The following TXNDC9 variants were observed in gnomAD, a reference collection of about 807,000 sequenced individuals.
TXNDC9 encodes the protein thioredoxin domain containing 9.
A neutral mutation model predicts 23.0 loss-of-function variants in TXNDC9; 7 were observed. The observed-to-expected ratio is 0.30, with a 90% CI of 0.17 to 0.57. TXNDC9 has a LOEUF of 0.57. Ranked by LOEUF, TXNDC9 falls within the 20% of genes least tolerant of loss-of-function variation. The pLI is 0.90. For missense variants in TXNDC9, 198 were observed against 252.6 expected, an observed-to-expected ratio of 0.78 and a Z score of 1.47; for synonymous variants, 72 against 90.6, an observed-to-expected ratio of 0.79 and a Z score of 1.17.
downstream of TXNDC9, among the ~76,000 whole-genome samples, chr2:99,316,870 C>T (rs2094190243): frequency 6.6e-6 from 1 of 152,170 alleles, no homozygotes; most frequent in South Asian, 2.1e-4. Context: ...CATTCTCCTG[C>T]CTCAGCCTCC....
At chr2:99,332,840 G>C in intron 2 of TXNDC9, 182 bp downstream of exon 2, 1 of 566,766 alleles carries the variant, frequency 1.8e-6, no homozygotes, top group South Asian at 2.4e-5. Context: ...TAGAGATTGG[G>C]CTAATTTTGA....
At chr2:99,322,419 G>C (rs999514633) in intron 3 of TXNDC9, 6 of 1,241,126 alleles carry the variant, frequency 4.8e-6, no homozygotes, top group Non-Finnish European at 6.5e-6. Flanking sequence ...TAAGATTCTA[G>C]AAAGTCAGAT....
intron 4 of TXNDC9, among the ~76,000 whole-genome samples, 190 bp from the exon 5 acceptor site, chr2:99,319,989 T>C (rs1406462732): frequency 6.6e-6 from 1 of 152,144 alleles, no homozygotes; most frequent in Non-Finnish European, 1.5e-5. Flanking sequence ...TGTGTCCTAC[T>C]GAATGTTTTA....
At chr2:99,322,305 T>C (rs529990424) in intron 3 of TXNDC9, 96 bp from the exon 4 acceptor site, 158 of 1,465,930 alleles carry the variant, frequency 1.1e-4, no homozygotes, top group Admixed American at 4.8e-4. Flanking sequence ...ATGTAGTTTT[T>C]CTGTTGACTC....
At chr2:99,331,235 A>G (rs1002771791) in intron 2 of TXNDC9, among the ~76,000 whole-genome samples, 3 of 152,162 alleles carry the variant, frequency 2.0e-5, no homozygotes, top group African/African-American at 7.2e-5. Context: ...TTAAATTCCA[A>G]TAATCCGTCC....
At chr2:99,332,853 G>A (rs1284372635) in intron 2 of TXNDC9, 169 bp downstream of exon 2, 1 of 583,688 alleles carries the variant, frequency 1.7e-6, no homozygotes, top group Non-Finnish European at 3.0e-6. Context: ...AATTTTGAAT[G>A]TCTTTAAAAC....
At chr2:99,330,404 G>A (rs1212001550) in intron 2 of TXNDC9, among the ~76,000 whole-genome samples, 2 of 150,714 alleles carry the variant, frequency 1.3e-5, no homozygotes, top group South Asian at 4.2e-4. Flanking sequence ...CTTTGAGGGA[G>A]GATGTGCCCA....
At chr2:99,335,272 C>T (rs2105328058) in intron 1 of TXNDC9, among the ~76,000 whole-genome samples, 1 of 152,304 alleles carries the variant, frequency 6.6e-6, no homozygotes, top group Admixed American at 6.5e-5. Flanking sequence ...CACAGGCCCT[C>T]TATAAACGTT....
chr2:99,311,697 C>T, the TXNDC9 span, among the ~76,000 whole-genome samples: 1 of 152,232 alleles, frequency 6.6e-6, no homozygotes, highest in Non-Finnish European at 1.5e-5. Flanking sequence ...GAACTCCTGG[C>T]CTCAAGCCAT....
rs779673250 is a variant in TXNDC9 at position 99,319,631 on chromosome 2, T to C, written c.*51A>G. 6 of 1,361,568 alleles carry C rather than the reference T, an allele frequency of 4.4e-6. No individual in the cohort carries two copies. The East Asian group carries it at 1.2e-4, about 26-fold the overall frequency. The allele number at this position is 1,361,568 out of a possible 1,614,324, so 84.3% of individuals were successfully genotyped here. On this transcript the variant is annotated 3_prime_UTR_variant, in exon 5 of 5. Transcript: ENST00000264255. ...ACATTAATAGAATTTTAAAAACACA[T>C]TTAAATCTGAAGCAGAAAAAAAAAG...
downstream of TXNDC9, among the ~76,000 whole-genome samples, chr2:99,314,529 CTTTT>C (rs55729391): frequency 1.0e-5 from 1 of 97,444 alleles, no homozygotes; most frequent in Non-Finnish European, 1.9e-5. Context: ...AATACTACAC[CTTTT>C]TTTTTTTTTT....
chr2:99,315,792 C>T (rs7589893), downstream of TXNDC9, among the ~76,000 whole-genome samples: 84,083 of 152,038 alleles, frequency 0.55, 23,957 homozygotes, highest in East Asian at 0.9. Flanking sequence ...CAAACATCAA[C>T]TGACTACAAA....
chr2:99,308,946 C>G, the TXNDC9 span, among the ~76,000 whole-genome samples: 13 of 152,020 alleles, frequency 8.6e-5, no homozygotes, highest in Non-Finnish European at 1.8e-4. Flanking sequence ...TCGTGATCCG[C>G]CCGCCTCGGC....
chr2:99,319,604 A>T lies in TXNDC9; in HGVS notation c.*78T>A. On this transcript the variant is annotated 3_prime_UTR_variant, in exon 5 of 5. Transcript: ENST00000264255. ...ATGAGTATTTAGGTGACCAATGTAT[A>T]GACATTAATAGAATTTTAAAAACAC... 1.9e-6 allele frequency: 2 copies of T among 1,062,922 alleles called. No homozygotes were observed. The highest frequency in any genetic ancestry group is 2.8e-6 in the Non-Finnish European group (2 of 706,248). The allele number at this position is 1,062,922 out of a possible 1,614,324, so 65.8% of individuals were successfully genotyped here.
At chr2:99,322,867 T>C in intron 3 of TXNDC9, 2 of 446,626 alleles carry the variant, frequency 4.5e-6, no homozygotes, top group African/African-American at 4.1e-5. Flanking sequence ...GTTCATGCCA[T>C]TCTCCTGCCT....
At chr2:99,308,387 A>G in the TXNDC9 span, among the ~76,000 whole-genome samples, 1 of 152,200 alleles carries the variant, frequency 6.6e-6, no homozygotes, top group African/African-American at 2.4e-5. Flanking sequence ...GCTTAAAATG[A>G]GCCTTCCTGT....
At chr2:99,311,574 C>T in the TXNDC9 span, among the ~76,000 whole-genome samples, 1 of 152,156 alleles carries the variant, frequency 6.6e-6, no homozygotes, top group African/African-American at 2.4e-5. Context: ...AGATTACAGG[C>T]ATGAACCACC....
chr2:99,331,171 C>T (rs564900794), intron 2 of TXNDC9, among the ~76,000 whole-genome samples: 9 of 152,272 alleles, frequency 5.9e-5, no homozygotes, highest in Middle Eastern at 3.4e-3. Flanking sequence ...GCAATTAGTA[C>T]TTAAATGTGA....
At chr2:99,315,276 A>C (rs1025297911), downstream of TXNDC9, among the ~76,000 whole-genome samples, 1 of 151,916 alleles carries the variant, frequency 6.6e-6, no homozygotes, top group South Asian at 2.1e-4. Flanking sequence ...CGTGTTAGCC[A>C]GGATGGTCTC....
Sources: gnomAD v4.1 joint callset for allele counts (sites outside exome capture counted in the v4.1 genomes callset) on GRCh38, gnomAD v4.1.1 for gene constraint, MANE v1.5 for transcripts, NCBI Gene and HGNC (gene_info 2026-07-23, HGNC 2026-07-21) for gene names.